The following DLG2 variants were observed in gnomAD, a reference collection of about 807,000 sequenced individuals.
DLG2 encodes discs large MAGUK scaffold protein 2.
DLG2 carries 45 observed loss-of-function variants against 132.5 expected under a neutral mutation model. The observed-to-expected ratio is 0.34, with a 90% CI of 0.27 to 0.44. The LOEUF (loss-of-function observed/expected upper bound fraction) is 0.44. Ranked by LOEUF, DLG2 falls within the 20% of genes least tolerant of loss-of-function variation. The pLI is 1.00. For synonymous variants in DLG2, 424 were observed against 419.6 expected (o/e 1.01, Z -0.13); for missense variants, 1,045 against 1,196.9 (o/e 0.87, Z 1.87).
intron 6 of DLG2, among the ~76,000 whole-genome samples, chr11:84,649,293 T>A (rs2099678719): frequency 6.6e-6 from 1 of 152,168 alleles, no homozygotes; most frequent in South Asian, 2.1e-4. Context: ...AGTGTCACCA[T>A]GTACAAATAT....
intron 6 of DLG2, among the ~76,000 whole-genome samples, chr11:84,731,840 A>G (rs530668): frequency 2.6e-5 from 4 of 152,068 alleles, no homozygotes; most frequent in Non-Finnish European, 5.9e-5. Context: ...CAACATACGT[A>G]TACATCTGTG....
chr11:85,184,036 G>A (rs373320499), intron 4 of DLG2, among the ~76,000 whole-genome samples: 1 of 151,844 alleles, frequency 6.6e-6, no homozygotes, highest in Admixed American at 6.6e-5. Flanking sequence ...TAATTTCCAA[G>A]GGTTATACAG....
At chr11:83,651,127 T>C (rs2070219037) in intron 18 of DLG2, among the ~76,000 whole-genome samples, 1 of 152,168 alleles carries the variant, frequency 6.6e-6, no homozygotes, top group African/African-American at 2.4e-5. Flanking sequence ...TTATGTCTTA[T>C]TTGACTGTGT....
intron 7 of DLG2, among the ~76,000 whole-genome samples, chr11:84,308,053 G>A (rs1194939784): frequency 4.6e-5 from 7 of 152,170 alleles, no homozygotes; most frequent in Admixed American, 4.6e-4. Flanking sequence ...AAAGAACAAA[G>A]CCCCCACAAC....
At chr11:84,347,653 T>TC (rs1295082165) in intron 7 of DLG2, among the ~76,000 whole-genome samples, 1 of 152,134 alleles carries the variant, frequency 6.6e-6, no homozygotes, top group Non-Finnish European at 1.5e-5. Flanking sequence ...TATTGATGCC[T>TC]CCCCACAACC....
In DLG2 at chr11:85,440,820, G is replaced by T. The variant is rs1186895010; in HGVS notation, c.41-155455C>A. On this transcript the variant is annotated intron_variant, in intron 3 of 27. Coordinates refer to ENST00000376104, the MANE Select transcript of DLG2 (RefSeq NM_001142699.3). Reference sequence around the variant, plus strand: ...TGGAGATTCCTGGCAGAACTTATAGGCTCTGGTGTTATAAATTCCATGAAA... The same window carrying T: ...TGGAGATTCCTGGCAGAACTTATAGTCTCTGGTGTTATAAATTCCATGAAA... Among the ~76,000 whole-genome samples, 5 of 152,114 alleles carry T rather than the reference G, an allele frequency of 3.3e-5. 1 individual carries two copies. The highest frequency in any genetic ancestry group is 2.6e-4 in the Admixed American group (4 of 15,270).
chr11:85,391,665 A>G (rs1164577536), intron 3 of DLG2, among the ~76,000 whole-genome samples: 1 of 152,172 alleles, frequency 6.6e-6, no homozygotes, highest in Non-Finnish European at 1.5e-5. Context: ...TACACCACAC[A>G]AACAGAACTA....
At chr11:83,997,339 A>C (rs2094096080) in intron 11 of DLG2, among the ~76,000 whole-genome samples, 1 of 152,136 alleles carries the variant, frequency 6.6e-6, no homozygotes, top group African/African-American at 2.4e-5. Context: ...AAATCATTCT[A>C]GGTCCAACAA....
At chr11:83,824,872 G>A (rs535836654) in intron 17 of DLG2, among the ~76,000 whole-genome samples, 91 of 151,982 alleles carry the variant, frequency 6.0e-4, no homozygotes, top group African/African-American at 2.1e-3. Flanking sequence ...TTAAGTACAT[G>A]GTTCCCAATG....
At chr11:83,627,474 T>G (rs2062782619) in intron 19 of DLG2, among the ~76,000 whole-genome samples, 1 of 152,196 alleles carries the variant, frequency 6.6e-6, no homozygotes. Context: ...TTTGGTTTTC[T>G]GTCCTTGCGA....
At chr11:83,966,837 T>C (rs2090313519) in intron 12 of DLG2, among the ~76,000 whole-genome samples, 1 of 152,092 alleles carries the variant, frequency 6.6e-6, no homozygotes, top group African/African-American at 2.4e-5. Flanking sequence ...ATTAGACCTC[T>C]AGACTTGTTC....
intron 3 of DLG2, among the ~76,000 whole-genome samples, chr11:85,546,086 G>T (rs1468030950): frequency 1.3e-5 from 2 of 152,214 alleles, no homozygotes; most frequent in South Asian, 2.1e-4. Flanking sequence ...TGATGGTAGG[G>T]TGTTGATTTT....
chr11:84,845,824 T>C (rs963154251), intron 6 of DLG2, among the ~76,000 whole-genome samples: 3 of 151,804 alleles, frequency 2.0e-5, no homozygotes. Context: ...GGACTAGAGA[T>C]GCACACCAAC....
In DLG2 at chr11:83,699,063, T is replaced by C. The variant is rs113402063; in HGVS notation, c.1826-65738A>G. Among the ~76,000 whole-genome samples, 1,178 of 152,290 alleles carry C rather than the reference T, an allele frequency of 7.7e-3. 17 individuals carry two copies. The highest frequency in any genetic ancestry group is 0.027 in the African/African-American group (1,133 of 41,572). ...TCAGAAACTTTGGGACCTGTGATCA[T>C]GCCCTAGGTTTCCAAAGCTTATTAC... is the stretch of plus-strand genomic sequence containing the variant. On this transcript the variant is annotated intron_variant, in intron 18 of 27. Transcript: ENST00000376104.
chr11:85,089,040 T>C (rs933145430), intron 6 of DLG2, among the ~76,000 whole-genome samples: 2 of 152,232 alleles, frequency 1.3e-5, no homozygotes, highest in Non-Finnish European at 2.9e-5. Flanking sequence ...GCTGTGAGTG[T>C]TGCGAGCAGA....
intron 6 of DLG2, among the ~76,000 whole-genome samples, chr11:84,887,690 C>T (rs2088568626): frequency 6.6e-6 from 1 of 152,094 alleles, no homozygotes; most frequent in Admixed American, 6.6e-5. Flanking sequence ...CCTTTTGATC[C>T]CTACATGTGG....
Position 85,594,428 on chromosome 11 carries a change from C to A in DLG2, c.40+4229G>T, listed in dbSNP as rs140647437. 5.0e-3 allele frequency among the ~76,000 whole-genome samples: 761 copies of A among 152,260 alleles called. 7 individuals carry two copies. The highest frequency in any genetic ancestry group is 0.018 in the African/African-American group (745 of 41,552). On this transcript the variant is annotated intron_variant, in intron 3 of 27. Coordinates refer to ENST00000376104, the MANE Select transcript of DLG2 (RefSeq NM_001142699.3). Reference sequence around the variant, plus strand: ...CACTGGTAGAGTTTTTTTAAAGTATCATTTACCGCTTGTTCTCCTCTAATT... The same window carrying A: ...CACTGGTAGAGTTTTTTTAAAGTATAATTTACCGCTTGTTCTCCTCTAATT...
chr11:84,983,805 G>C (rs1428417568), intron 6 of DLG2, among the ~76,000 whole-genome samples: 1 of 152,156 alleles, frequency 6.6e-6, no homozygotes, highest in Non-Finnish European at 1.5e-5. Context: ...AGAAAAAACA[G>C]TCAAAACTTC....
intron 4 of DLG2, among the ~76,000 whole-genome samples, chr11:85,225,341 C>T (rs2074910534): frequency 6.6e-6 from 1 of 152,112 alleles, no homozygotes; most frequent in Admixed American, 6.6e-5. Flanking sequence ...CCAGCCCACT[C>T]ATCTCTCCGC....
Sources: allele counts gnomAD v4.1 joint callset (sites outside exome capture counted in the v4.1 genomes callset), GRCh38; gene constraint gnomAD v4.1.1; transcripts MANE v1.5; gene names NCBI Gene and HGNC (gene_info 2026-07-23, HGNC 2026-07-21).